Variants in KAT7 observed in about 807,000 individuals in gnomAD.
The protein encoded by KAT7 is lysine acetyltransferase 7.
Under a neutral mutation model 82.1 loss-of-function variants are expected in KAT7, and 10 were observed. The ratio of observed to expected loss-of-function variants is 0.12; its 90% CI spans 0.08 to 0.21. The LOEUF is 0.21. Ranked by LOEUF, KAT7 falls within the 10% of genes least tolerant of loss-of-function variation. The pLI is 1.00. For synonymous variants in KAT7, 250 were observed against 262.5 expected (o/e 0.95, Z 0.46); for missense variants, 378 against 760.9 (o/e 0.50, Z 5.92).
At chr17:49,799,744 G>A (rs959163745) in intron 4 of KAT7, among the ~76,000 whole-genome samples, 18 of 152,058 alleles carry the variant, frequency 1.2e-4, no homozygotes, top group Non-Finnish European at 4.4e-5. Context: ...GCTCACTGCA[G>A]CCTTAACTCC....
chr17:49,817,036 A>G (rs1176362124), intron 8 of KAT7, among the ~76,000 whole-genome samples: 6 of 152,058 alleles, frequency 3.9e-5, no homozygotes, highest in Non-Finnish European at 7.4e-5. Flanking sequence ...TTTCAAAAAT[A>G]TTTTTTAAAG....
rs73337023 is a variant in KAT7 at position 49,813,764 on chromosome 17, A to C, written c.853-2039A>C. 2.6e-3 allele frequency among the ~76,000 whole-genome samples: 394 copies of C among 152,154 alleles called. 2 individuals carry two copies. The highest frequency in any genetic ancestry group is 9.3e-3 in the African/African-American group (385 of 41,488). On this transcript the variant is annotated intron_variant, in intron 7 of 14. Transcript: ENST00000259021. ...CCAGGTTATATGCAAATATGACATC[A>C]TTTACATACGAGACTTGAGCATCCA... is the stretch of plus-strand genomic sequence containing the variant.
chr17:49,829,538 C>A lies in KAT7; in HGVS notation c.*2036C>A, dbSNP rs2074405412. The stretch of plus-strand genomic sequence containing the variant: ...GAGCAGTGTCACCTCTAATTATTGA[C>A]TCTCTCGCAGGTTGAAATTATTCTT... On this transcript the variant is annotated 3_prime_UTR_variant, in exon 15 of 15. Coordinates refer to ENST00000259021, the MANE Select transcript of KAT7 (RefSeq NM_007067.5). 6.6e-6 allele frequency: 1 copy of A among 152,170 alleles called. No homozygotes were observed. Among genetic ancestry groups the A allele is most frequent in the African/African-American group, 2.4e-5 (1 of 41,432 alleles). 9.4% of individuals were successfully genotyped at this position (152,170 alleles called of 1,614,324 possible). A position where few individuals can be genotyped will look rare whatever the true frequency, so the allele number is the denominator to read the frequency against.
chr17:49,822,033 A>G (rs557326149), intron 11 of KAT7, among the ~76,000 whole-genome samples: 1 of 152,270 alleles, frequency 6.6e-6, no homozygotes, highest in East Asian at 1.9e-4. Flanking sequence ...CTGCCTATTA[A>G]TAACTGGCCA....
chr17:49,825,776 T>G (rs1460180158), intron 12 of KAT7, among the ~76,000 whole-genome samples: 1 of 152,214 alleles, frequency 6.6e-6, no homozygotes, highest in African/African-American at 2.4e-5. Flanking sequence ...TCCCTGTGAA[T>G]AAGAGGGGAC....
chr17:49,828,855 CT>C lies in KAT7; in HGVS notation c.*1356del. 6.5e-6 allele frequency: 1 copy of C among 153,504 alleles called. No individual in the cohort carries two copies. The highest frequency in any genetic ancestry group is 1.5e-5 in the Non-Finnish European group (1 of 68,038). The allele number at this position is 153,504 out of a possible 1,614,324, so 9.5% of individuals were successfully genotyped here. The stretch of plus-strand genomic sequence containing the variant: ...AATCCCTGACTCCGGTCATTTGTGC[CT>C]TTCTCTTGTCATCTCTGTACACTAC... On this transcript the variant is annotated 3_prime_UTR_variant, in exon 15 of 15. Transcript: ENST00000259021.
intron 2 of KAT7, among the ~76,000 whole-genome samples, chr17:49,794,565 C>T (rs1477160824): frequency 2.0e-5 from 3 of 152,324 alleles, no homozygotes; most frequent in South Asian, 2.1e-4. Flanking sequence ...GGATTACAGG[C>T]GTGAGCCGCC....
rs896665640 is a variant in KAT7, at chr17:49,834,571, A to C, written c.*7069A>C. On this transcript the variant is annotated 3_prime_UTR_variant, in exon 15 of 15. Transcript: ENST00000259021. ...GTCTTTCCGTAAGCTGACTCAACCTACATAGCTTTCATCATTCCCTTACAC... is the reference window on the plus strand; with the variant it reads ...GTCTTTCCGTAAGCTGACTCAACCTCCATAGCTTTCATCATTCCCTTACAC... 6.6e-6 allele frequency: 1 copy of C among 152,252 alleles called. No individual in the cohort carries two copies. 9.4% of individuals were successfully genotyped at this position (152,252 alleles called of 1,614,324 possible).
In KAT7 at chr17:49,815,883, A is replaced by C. The variant is rs1365471202; in HGVS notation, c.933A>C (p.Arg311=). Residue 311 remains arginine (R), a synonymous_variant, in exon 8 of 15, where the codon CGA becomes CGC. Coordinates refer to ENST00000259021, the MANE Select transcript of KAT7 (RefSeq NM_007067.5). Reference sequence around the variant, plus strand: ...GCGAGTATGACTTGGATCTTTTCCGAAGAGCACAAGCCCGGGCTTCAGAGG... The same window carrying C: ...GCGAGTATGACTTGGATCTTTTCCGCAGAGCACAAGCCCGGGCTTCAGAGG... The part of the protein sequence containing the change: ...LTSEYDLDLF[R]RAQARASEDL... 2 of 1,613,528 alleles carry C rather than the reference A, an allele frequency of 1.2e-6. No individual in the cohort carries two copies. The highest frequency in any genetic ancestry group is 2.7e-5 in the African/African-American group (2 of 74,912).
In KAT7 at chr17:49,830,213, AAAG is replaced by A. The variant is rs1488336186; in HGVS notation, c.*2713_*2715del. 10 of 142,030 alleles carry A rather than the reference AAAG, an allele frequency of 7.0e-5. No individual in the cohort carries two copies. Among genetic ancestry groups the A allele is most frequent in the Admixed American group, 1.4e-4 (2 of 13,990 alleles). 8.8% of individuals were successfully genotyped at this position (142,030 alleles called of 1,614,324 possible). A position where few individuals can be genotyped will look rare whatever the true frequency, so the allele number is the denominator to read the frequency against. ...TTTTTTTTTTTTTTTTTTTTTAAAA[AAAG>A]ACAGTCTCACTCTATCATCCAGTCC... On this transcript the variant is annotated 3_prime_UTR_variant, in exon 15 of 15. Transcript: ENST00000259021.
intron 7 of KAT7, 135 bp from the exon 8 acceptor site, chr17:49,815,668 A>G: frequency 1.7e-6 from 1 of 599,720 alleles, no homozygotes; most frequent in Non-Finnish European, 3.0e-6. Context: ...CTTGTGCTCA[A>G]TCCCTAGCAC....
In KAT7 at chr17:49,805,231, T is replaced by G. The variant is rs925445669; in HGVS notation, c.581-132T>G. ...GTTATAGCCCTACCAGCCTTATGTTTGGTGGATTCAGTCTGATCAGACATA... is the reference window on the plus strand; with the variant it reads ...GTTATAGCCCTACCAGCCTTATGTTGGGTGGATTCAGTCTGATCAGACATA... On this transcript the variant is annotated intron_variant, in intron 4 of 14. Transcript: ENST00000259021. 1.5e-4 allele frequency: 91 copies of G among 617,072 alleles called. 1 individual carries two copies. Among genetic ancestry groups the G allele is most frequent in the South Asian group, 9.8e-4 (49 of 50,008 alleles). 38.2% of individuals were successfully genotyped at this position (617,072 alleles called of 1,614,324 possible). A position where few individuals can be genotyped will look rare whatever the true frequency, so the allele number is the denominator to read the frequency against.
intron 3 of KAT7, among the ~76,000 whole-genome samples, chr17:49,798,044 C>T (rs984153666): frequency 3.3e-5 from 5 of 152,184 alleles, no homozygotes; most frequent in Non-Finnish European, 5.9e-5. Context: ...GTATTTCCAT[C>T]TAGTTTTGAT....
At position 49,833,682 on chromosome 17, in the gene KAT7, GTC is replaced by G. The variant is rs2074441709; in HGVS notation, c.*6184_*6185del. The G allele has an allele frequency of 6.6e-6, 1 of 152,218 alleles. No individual in the cohort carries two copies. The highest frequency in any genetic ancestry group is 1.5e-5 in the Non-Finnish European group (1 of 68,062). 9.4% of individuals were successfully genotyped at this position (152,218 alleles called of 1,614,324 possible). On this transcript the variant is annotated 3_prime_UTR_variant, in exon 15 of 15. Coordinates refer to ENST00000259021, the MANE Select transcript of KAT7 (RefSeq NM_007067.5). Reference sequence around the variant, plus strand: ...CACAGCACTAAAAGCCCAGACTTGTGTCTCTTGAAGGTTTCAACCCCGCCAGA... The same window carrying G: ...CACAGCACTAAAAGCCCAGACTTGTGTCTTGAAGGTTTCAACCCCGCCAGA...
chr17:49,807,739 C>T lies in KAT7; in HGVS notation c.664-1380C>T, dbSNP rs138061738. Among the ~76,000 whole-genome samples, 17 of 152,198 alleles carry T rather than the reference C, an allele frequency of 1.1e-4. No homozygotes were observed. In the East Asian group the frequency reaches 2.3e-3, roughly 21 times the overall value. On this transcript the variant is annotated intron_variant, in intron 5 of 14. Coordinates refer to ENST00000259021, the MANE Select transcript of KAT7 (RefSeq NM_007067.5). ...TTGGTGGACTGGACTAGCTTTGTAT[C>T]GGCAGCAATTCTAAGACTAGGTTGG...
chr17:49,825,799 T>C (rs1372447627), intron 12 of KAT7, among the ~76,000 whole-genome samples: 1 of 152,228 alleles, frequency 6.6e-6, no homozygotes, highest in Non-Finnish European at 1.5e-5. Context: ...CTGTGTCATG[T>C]AAATGCAAAT....
chr17:49,792,172 A>G, intron 2 of KAT7, 139 bp downstream of exon 2: 1 of 805,780 alleles, frequency 1.2e-6, no homozygotes, highest in Non-Finnish European at 1.9e-6. Flanking sequence ...TAAAATGTAG[A>G]GTGAATGCAG....
At chr17:49,815,654 A>G (rs570739319) in intron 7 of KAT7, 149 bp from the exon 8 acceptor site, 31 of 545,608 alleles carry the variant, frequency 5.7e-5, no homozygotes, top group South Asian at 4.1e-4. Flanking sequence ...GATAAGTAGT[A>G]TGTCTTGTGC....
intron 7 of KAT7, among the ~76,000 whole-genome samples, chr17:49,812,236 T>C (rs1397947733): frequency 1.4e-5 from 2 of 145,210 alleles, no homozygotes; most frequent in Admixed American, 1.4e-4. Flanking sequence ...TTAAAAATCT[T>C]TTTTTTTTTT....
Sources: allele counts gnomAD v4.1 joint callset (sites outside exome capture counted in the v4.1 genomes callset), GRCh38; gene constraint gnomAD v4.1.1; transcripts MANE v1.5; gene names NCBI Gene and HGNC (gene_info 2026-07-23, HGNC 2026-07-21).